TERB1: variants seen among roughly 807,000 people sequenced by gnomAD.
The protein encoded by TERB1 is telomere repeat binding bouquet formation protein 1, also known as telomere repeats-binding bouquet formation protein 1.
TERB1 carries 63 observed loss-of-function variants against 92.3 expected under a neutral mutation model. That is an observed-to-expected ratio of 0.68 (90% CI 0.56 to 0.84). The LOEUF is 0.84. TERB1 is among the 40% of genes least tolerant of loss of function. The pLI is 0.00. For synonymous variants in TERB1, 252 were observed against 283.9 expected (o/e 0.89, Z 1.13); for missense variants, 709 against 843.7 (o/e 0.84, Z 1.98).
intron 16 of TERB1, among the ~76,000 whole-genome samples, chr16:66,760,140 AAAAAAAAAG>A (rs2018209830): frequency 8.7e-6 from 1 of 114,974 alleles, no homozygotes; most frequent in African/African-American, 3.8e-5. Flanking sequence ...CAAAAAAAAA[AAAAAAAAAG>A]AAAAGAAAAG....
At chr16:66,801,254 G>A (rs1234342513) in intron 1 of TERB1, among the ~76,000 whole-genome samples, 2 of 152,174 alleles carry the variant, frequency 1.3e-5, no homozygotes, top group African/African-American at 4.8e-5. Context: ...TGAAATAGGG[G>A]GGAATACTGC....
chr16:66,786,756 C>T (rs901327080), intron 6 of TERB1, among the ~76,000 whole-genome samples: 4 of 152,106 alleles, frequency 2.6e-5, no homozygotes, highest in African/African-American at 9.7e-5. Flanking sequence ...CCCATGGAAA[C>T]AATAATAGCA....
rs190662305 is a variant in TERB1 at position 66,758,607 on chromosome 16, G to T, written c.1996+166C>A. 197 of 509,030 alleles carry T rather than the reference G, an allele frequency of 3.9e-4. No homozygotes were observed. The East Asian group carries it at 6.3e-3, about 16-fold the overall frequency. 31.5% of individuals were successfully genotyped at this position (509,030 alleles called of 1,614,324 possible). A position where few individuals can be genotyped will look rare whatever the true frequency, so the allele number is the denominator to read the frequency against. ...AATACAAAAACCAGCAGGGTGTGGT[G>T]GCACATGTCTGTAATCCCAGCTACT... On this transcript the variant is annotated intron_variant, in intron 18 of 18. Transcript: ENST00000433154.
At chr16:66,790,855 A>G in intron 4 of TERB1, 54 bp downstream of exon 4, 1 of 1,409,970 alleles carries the variant, frequency 7.1e-7, no homozygotes. Flanking sequence ...TATTTGATAT[A>G]TCAGAGTACT....
intron 9 of TERB1, among the ~76,000 whole-genome samples, chr16:66,785,555 G>A (rs772870351): frequency 4.6e-5 from 7 of 151,856 alleles, no homozygotes; most frequent in African/African-American, 1.7e-4. Context: ...TGGTTTCTCC[G>A]TTTTATGAGA....
chr16:66,778,827 T>C (rs1257010302), intron 10 of TERB1, 36 bp downstream of exon 10: 2 of 1,446,076 alleles, frequency 1.4e-6, no homozygotes, highest in Non-Finnish European at 1.8e-6. Flanking sequence ...CAAACAAAAT[T>C]CAATTTCAAA....
intron 3 of TERB1, among the ~76,000 whole-genome samples, chr16:66,794,189 TC>T (rs1308890754): frequency 3.3e-5 from 5 of 151,926 alleles, no homozygotes; most frequent in Non-Finnish European, 5.9e-5. Context: ...AGCCTCAACC[TC>T]CTGGGCTCAA....
intron 16 of TERB1, among the ~76,000 whole-genome samples, chr16:66,761,095 G>A (rs2018236318): frequency 7.5e-6 from 1 of 134,106 alleles, no homozygotes; most frequent in Non-Finnish European, 1.6e-5. Flanking sequence ...GGGCGACAGA[G>A]CGAGACTCCA....
rs2145170524 is a variant in TERB1 at position 66,778,968 on chromosome 16, A to G, written c.748T>C (p.Ser250Pro). ...FVSVGGLDVLSQVLMQLESDS... is the reference protein window; with the variant it reads ...FVSVGGLDVLPQVLMQLESDS... ...GATTCCAGCTGCATGAGAACTTGAG[A>G]CAATACATCCAGTCCGCCCACAGAT... The change falls in exon 10 of 19, where the codon TCT (serine) becomes CCT (proline). Residue 250 changes from serine to proline, a missense_variant. Coordinates refer to ENST00000433154, the MANE Select transcript of TERB1 (RefSeq NM_001136505.2). The G allele has an allele frequency of 6.5e-7, 1 of 1,535,374 alleles. No homozygotes were observed. The highest frequency in any genetic ancestry group is 2.0e-5 in the Admixed American group (1 of 50,600).
At chr16:66,795,760 T>C (rs560536072) in intron 3 of TERB1, among the ~76,000 whole-genome samples, 1 of 152,274 alleles carries the variant, frequency 6.6e-6, no homozygotes, top group South Asian at 2.1e-4. Flanking sequence ...ATCTTACTAT[T>C]TATTTATTTA....
At chr16:66,797,336 G>C (rs1268631363) in intron 2 of TERB1, among the ~76,000 whole-genome samples, 1 of 150,824 alleles carries the variant, frequency 6.6e-6, no homozygotes, top group Non-Finnish European at 1.5e-5. Context: ...CCCAGGATAA[G>C]GTGATCCTCC....
At chr16:66,777,396 C>G (rs2018566699) in intron 10 of TERB1, 62 bp from the exon 11 acceptor site, 1 of 1,058,478 alleles carries the variant, frequency 9.4e-7, no homozygotes, top group Non-Finnish European at 1.3e-6. Context: ...TGTATATATA[C>G]TATGTATTTT....
chr16:66,763,280 G>A (rs531363297), intron 16 of TERB1, among the ~76,000 whole-genome samples: 6 of 151,928 alleles, frequency 3.9e-5, no homozygotes, highest in Admixed American at 6.6e-5. Context: ...ACTTACATTC[G>A]GTTAACATAT....
At chr16:66,789,234 C>G (rs1426754600) in intron 5 of TERB1, among the ~76,000 whole-genome samples, 2 of 151,934 alleles carry the variant, frequency 1.3e-5, no homozygotes, top group Non-Finnish European at 2.9e-5. Flanking sequence ...CAAAACATCT[C>G]ATGTACCCTA....
intron 10 of TERB1, 70 bp downstream of exon 10, chr16:66,778,793 T>A: frequency 8.0e-7 from 1 of 1,255,362 alleles, no homozygotes; most frequent in Non-Finnish European, 1.1e-6. Flanking sequence ...CAATCTACTA[T>A]TTCAACACTC....
intron 17 of TERB1, 132 bp from the exon 18 acceptor site, chr16:66,758,970 A>G: frequency 1.1e-6 from 1 of 943,404 alleles, no homozygotes; most frequent in Admixed American, 2.9e-5. Context: ...GAATTTTTAA[A>G]CCAACAGTCT....
intron 2 of TERB1, 127 bp from the exon 3 acceptor site, chr16:66,796,957 ATAAT>A (rs1256004537): frequency 5.5e-6 from 3 of 545,818 alleles, no homozygotes; most frequent in Admixed American, 3.5e-5. Context: ...TTTTAAAATA[ATAAT>A]TAAACTTAAT....
intron 17 of TERB1, 67 bp downstream of exon 17, chr16:66,759,074 A>T: frequency 7.7e-7 from 1 of 1,290,900 alleles, no homozygotes; most frequent in Non-Finnish European, 1.1e-6. Context: ...TAATATATTT[A>T]ATGCTTTAGA....
At chr16:66,793,661 A>G (rs910667844) in intron 3 of TERB1, among the ~76,000 whole-genome samples, 1 of 151,888 alleles carries the variant, frequency 6.6e-6, no homozygotes, top group Non-Finnish European at 1.5e-5. Flanking sequence ...ACAGGTGTGC[A>G]CCACCACGCC....
Sources: allele counts gnomAD v4.1 joint callset (sites outside exome capture counted in the v4.1 genomes callset), GRCh38; gene constraint gnomAD v4.1.1; transcripts MANE v1.5; gene names NCBI Gene and HGNC (gene_info 2026-07-23, HGNC 2026-07-21).